SEMA6D: variants seen among roughly 807,000 people sequenced by gnomAD.
SEMA6D encodes the protein semaphorin 6D.
In SEMA6D, 35 loss-of-function variants were observed where a neutral mutation model predicts 106.6. The ratio of observed to expected loss-of-function variants is 0.33; its 90% CI spans 0.25 to 0.44. The LOEUF (loss-of-function observed/expected upper bound fraction) is 0.44, where lower values mean the gene tolerates loss of function less well. Ranked by LOEUF, SEMA6D falls within the 20% of genes least tolerant of loss-of-function variation. The pLI is 1.00. For missense variants in SEMA6D, 1,185 were observed against 1,345.9 expected (o/e 0.88, Z 1.87); for synonymous variants, 499 against 487.7 (o/e 1.02, Z -0.31).
rs79276899 is a variant in SEMA6D at position 47,266,473 on chromosome 15, G to A, written c.-239+82055G>A. On this transcript the variant is annotated intron_variant, in intron 1 of 19. Coordinates refer to the SEMA6D transcript ENST00000558014. ...ACTGAATACTTGGTGGGATGGAGTG[G>A]GCAAAAGCCTTAAGTCTTTTTTGGT... Among the ~76,000 whole-genome samples, 3 of 151,992 alleles carry A rather than the reference G, an allele frequency of 2.0e-5. No homozygotes were observed. In the South Asian group the frequency reaches 6.2e-4, roughly 32 times the overall value.
At chr15:47,604,641 G>T (rs2076737434) in intron 4 of SEMA6D, among the ~76,000 whole-genome samples, 1 of 152,138 alleles carries the variant, frequency 6.6e-6, no homozygotes, top group Non-Finnish European at 1.5e-5. Context: ...TAATTTGTTA[G>T]ATTCTTTCTC....
At chr15:47,761,785 T>C in intron 7 of SEMA6D, 34 bp downstream of exon 7, 2 of 1,509,934 alleles carry the variant, frequency 1.3e-6, no homozygotes, top group Non-Finnish European at 1.8e-6. Context: ...TATAAATGAT[T>C]AATGACATTG....
chr15:47,742,607 T>G (rs927979900), intron 1 of SEMA6D, among the ~76,000 whole-genome samples: 1 of 152,182 alleles, frequency 6.6e-6, no homozygotes, highest in African/African-American at 2.4e-5. Flanking sequence ...AACGGCTGCT[T>G]CTACTTGTTG....
intron 1 of SEMA6D, among the ~76,000 whole-genome samples, chr15:47,236,595 C>G (rs1205034558): frequency 1.3e-5 from 2 of 152,052 alleles, no homozygotes; most frequent in Non-Finnish European, 2.9e-5. Flanking sequence ...AAAGGATGAA[C>G]AAAATTATGA....
intron 1 of SEMA6D, among the ~76,000 whole-genome samples, chr15:47,306,232 C>T (rs1272039301): frequency 2.0e-5 from 3 of 152,016 alleles, no homozygotes; most frequent in African/African-American, 7.2e-5. Flanking sequence ...ATCTGCCCAC[C>T]TCGGCCTCCC....
At chr15:47,360,052 T>C (rs1204785148) in intron 1 of SEMA6D, 3 of 152,084 alleles carry the variant, frequency 2.0e-5, no homozygotes, top group Admixed American at 6.5e-5. Flanking sequence ...TTTTTTTTTC[T>C]AGCCTTCTAC....
At chr15:47,214,583 T>C (rs2030377856) in intron 1 of SEMA6D, among the ~76,000 whole-genome samples, 1 of 152,226 alleles carries the variant, frequency 6.6e-6, no homozygotes, top group Non-Finnish European at 1.5e-5. Flanking sequence ...GCATCTGTTC[T>C]TGTCTGCTTC....
chr15:47,632,513 A>C (rs1338405570), intron 4 of SEMA6D, among the ~76,000 whole-genome samples: 2 of 148,956 alleles, frequency 1.3e-5, no homozygotes, highest in Non-Finnish European at 3.0e-5. Flanking sequence ...GTCTTCCTGA[A>C]GAATTAATCT....
chr15:47,604,167 G>A (rs2076723865), intron 4 of SEMA6D: 1 of 152,290 alleles, frequency 6.6e-6, no homozygotes, highest in African/African-American at 2.4e-5. Flanking sequence ...TAGTGCTTGA[G>A]ATTGGGTTTC....
chr15:47,404,361 T>C (rs1282781059), intron 1 of SEMA6D, among the ~76,000 whole-genome samples: 3 of 152,222 alleles, frequency 2.0e-5, no homozygotes, highest in African/African-American at 7.2e-5. Context: ...TTTTTACTAC[T>C]GTAGGGTAGG....
Position 47,189,148 on chromosome 15 carries a change from T to C in SEMA6D, c.-239+4730T>C, listed in dbSNP as rs958825995. Among the ~76,000 whole-genome samples the C allele has an allele frequency of 3.9e-5, 6 of 152,294 alleles. No individual in the cohort carries two copies. In the East Asian group the frequency reaches 1.2e-3, roughly 29 times the overall value. Reference sequence around the variant, plus strand: ...GGTAGTGGAAACTCCCATACACTTCTCTTTCCCTTTCTCTTTCTCTTTTCC... The same window carrying C: ...GGTAGTGGAAACTCCCATACACTTCCCTTTCCCTTTCTCTTTCTCTTTTCC... On this transcript the variant is annotated intron_variant, in intron 1 of 19. Transcript: ENST00000558014.
chr15:47,367,102 A>C (rs2039057309), intron 1 of SEMA6D, among the ~76,000 whole-genome samples: 1 of 152,206 alleles, frequency 6.6e-6, no homozygotes, highest in African/African-American at 2.4e-5. Flanking sequence ...CATCTGCCTC[A>C]TAGAGTTGGG....
intron 4 of SEMA6D, among the ~76,000 whole-genome samples, chr15:47,691,627 A>G (rs1219276242): frequency 6.6e-6 from 1 of 152,180 alleles, no homozygotes; most frequent in African/African-American, 2.4e-5. Flanking sequence ...GTAAGGCCAG[A>G]CCAATAGTAG....
chr15:47,254,331 G>GTGTATATA lies in SEMA6D; in HGVS notation c.-239+69914_-239+69915insGTATATAT, dbSNP rs33925888. Among the ~76,000 whole-genome samples, 578 of 139,236 alleles carry GTGTATATA rather than the reference G, an allele frequency of 4.2e-3. 2 individuals are homozygous for GTGTATATA. The highest frequency in any genetic ancestry group is 0.015 in the African/African-American group (562 of 38,088). The allele number at this position is 139,236 out of a possible 152,430, so 91.3% of individuals were successfully genotyped here. A position where few individuals can be genotyped will look rare whatever the true frequency, so the allele number is the denominator to read the frequency against. ...TATATGTATATATATGTGTGTGTGT[G>GTGTATATA]TATATATATATATATATATATAAAT... is the stretch of plus-strand genomic sequence containing the variant. On this transcript the variant is annotated intron_variant, in intron 1 of 19. Coordinates refer to the SEMA6D transcript ENST00000558014.
chr15:47,374,533 G>C (rs2039384463), intron 1 of SEMA6D, among the ~76,000 whole-genome samples: 1 of 152,114 alleles, frequency 6.6e-6, no homozygotes, highest in African/African-American at 2.4e-5. Flanking sequence ...CCTGGAAGCA[G>C]AGCTCTCTAT....
chr15:47,539,677 C>G (rs190338620), intron 3 of SEMA6D, among the ~76,000 whole-genome samples: 2 of 152,252 alleles, frequency 1.3e-5, no homozygotes, highest in African/African-American at 4.8e-5. Context: ...CCCACCTTCG[C>G]CTCCCAACTG....
intron 1 of SEMA6D, among the ~76,000 whole-genome samples, chr15:47,185,199 G>C (rs1893476662): frequency 6.6e-6 from 1 of 152,170 alleles, no homozygotes; most frequent in East Asian, 1.9e-4. Flanking sequence ...TTGGAGGAGT[G>C]GGGGTCAAGG....
At chr15:47,226,880 T>C (rs2031707581) in intron 1 of SEMA6D, among the ~76,000 whole-genome samples, 1 of 152,098 alleles carries the variant, frequency 6.6e-6, no homozygotes, top group Non-Finnish European at 1.5e-5. Context: ...CATCAGATAT[T>C]ACGCCAGCTT....
At chr15:47,644,213 A>T (rs932320358) in intron 4 of SEMA6D, among the ~76,000 whole-genome samples, 1 of 152,216 alleles carries the variant, frequency 6.6e-6, no homozygotes, top group Admixed American at 6.5e-5. Context: ...CATGTAATTT[A>T]AAAAAATCAG....
Sources: gnomAD v4.1 joint callset for allele counts (sites outside exome capture counted in the v4.1 genomes callset) on GRCh38, gnomAD v4.1.1 for gene constraint, MANE v1.5 for transcripts, NCBI Gene and HGNC (gene_info 2026-07-23, HGNC 2026-07-21) for gene names.